The following SRSF1 variants were observed in gnomAD, a reference collection of about 807,000 sequenced individuals.
The protein encoded by SRSF1 is serine and arginine rich splicing factor 1.
A neutral mutation model predicts 25.9 loss-of-function variants in SRSF1; 1 was observed. The observed-to-expected ratio is 0.04, with a 90% CI of 0.01 to 0.18. The LOEUF is 0.18. Ranked by LOEUF, SRSF1 falls within the 10% of genes least tolerant of loss-of-function variation. SRSF1 has a pLI of 1.00. For synonymous variants in SRSF1, 132 were observed against 126.2 expected (o/e 1.05, Z -0.31); for missense variants, 65 against 350.5 (o/e 0.19, Z 6.50).
In SRSF1 at chr17:58,001,268, A is replaced by G. The variant is rs750722287; in HGVS notation, c.*4138T>C. On this transcript the variant is annotated 3_prime_UTR_variant, in exon 4 of 4. Transcript: ENST00000258962. ...CAATGTTTCAAAGACAACAAACACCAAGAAAAGTTGAGATTCTACAATAAA... is the reference window on the plus strand; with the variant it reads ...CAATGTTTCAAAGACAACAAACACCGAGAAAAGTTGAGATTCTACAATAAA... 2.0e-5 allele frequency among the ~76,000 whole-genome samples: 3 copies of G among 152,200 alleles called. No homozygotes were observed. The highest frequency in any genetic ancestry group is 4.4e-5 in the Non-Finnish European group (3 of 68,022).
downstream of SRSF1, among the ~76,000 whole-genome samples, chr17:58,000,197 G>A (rs1005906397): frequency 6.6e-6 from 1 of 152,072 alleles, no homozygotes; most frequent in African/African-American, 2.4e-5. Context: ...AAGCTCACAA[G>A]AACCCTCAGG....
At chr17:57,995,658 G>T in the SRSF1 span, among the ~76,000 whole-genome samples, 1 of 152,220 alleles carries the variant, frequency 6.6e-6, no homozygotes, top group Non-Finnish European at 1.5e-5. Flanking sequence ...TCTCACTTGG[G>T]TCAGACTTTT....
chr17:58,006,795 C>G, intron 1 of SRSF1, 149 bp downstream of exon 1: 2 of 1,036,782 alleles, frequency 1.9e-6, no homozygotes, highest in Non-Finnish European at 2.8e-6. Flanking sequence ...ATCAACTCAG[C>G]TCCTTACTCG....
In SRSF1 at chr17:58,005,701, T is replaced by C. The variant is rs567721942; in HGVS notation, c.552+100A>G. ...GTAACTAAAACCAGAAATCTGGCAA[T>C]TTACTTGGACAACCTTGCCTGAATC... On this transcript the variant is annotated intron_variant, in intron 3 of 3. Transcript: ENST00000258962. The surrounding 1 kb of genome is among the most constrained non-coding windows in gnomAD (Gnocchi z 5.2). 6.2e-7 allele frequency: 1 copy of C among 1,607,984 alleles called. No individual in the cohort carries two copies. Among genetic ancestry groups the C allele is most frequent in the Admixed American group, 1.7e-5 (1 of 59,366 alleles).
the SRSF1 span, chr17:57,993,611 G>A: frequency 6.6e-6 from 1 of 152,424 alleles, no homozygotes; most frequent in East Asian, 1.9e-4. Flanking sequence ...AGTAGTGGCA[G>A]AAAGCTCTCT....
chr17:58,007,220 C>A lies in SRSF1; in HGVS notation c.-83G>T. ...GCAGAGCGAGCCCGCAGCGGCACCA[C>A]GTCTCCCGCGGCCCCTCCAAAATGG... On this transcript the variant is annotated 5_prime_UTR_variant, in exon 1 of 4. Coordinates refer to ENST00000258962, the MANE Select transcript of SRSF1 (RefSeq NM_006924.5). 1 of 1,520,522 alleles carries A rather than the reference C, an allele frequency of 6.6e-7. No individual in the cohort carries two copies. The highest frequency in any genetic ancestry group is 9.0e-7 in the Non-Finnish European group (1 of 1,116,140). The allele number at this position is 1,520,522 out of a possible 1,614,324, so 94.2% of individuals were successfully genotyped here. A position where few individuals can be genotyped will look rare whatever the true frequency, so the allele number is the denominator to read the frequency against.
Position 58,005,548 on chromosome 17 carries a change from T to C in SRSF1, c.605A>G (p.Tyr202Cys). The C allele has an allele frequency of 6.2e-7, 1 of 1,614,206 alleles. No individual in the cohort carries two copies. The highest frequency in any genetic ancestry group is 8.5e-7 in the Non-Finnish European group (1 of 1,180,042). The change falls in exon 4 of 4, where the codon TAT becomes TGT. Residue 202 changes from tyrosine (Y) to cysteine (C), a missense_variant. By Grantham distance (194) the Tyr-to-Cys change is radical. This residue lies in a region of SRSF1 where 63 missense variants were observed against 284.8 expected (regional missense o/e 0.22). Coordinates refer to ENST00000258962, the MANE Select transcript of SRSF1 (RefSeq NM_006924.5). This position sits in a 1 kb window ranked among gnomAD's most constrained non-coding sequence, Gnocchi z 5.2. ...ACGGCTTCGAGATCGAGATCTTCCA[T>C]AACTTGGACTTCTGGGCCCATCAAC... ...VKVDGPRSPS[Y>C]GRSRSRSRSR...
chr17:58,005,848 T>C lies in SRSF1; in HGVS notation c.505A>G (p.Thr169Ala), dbSNP rs1198381764. The change falls in exon 3 of 4, where the codon ACC becomes GCC. Residue 169 changes from threonine to alanine, a missense_variant. Physicochemically the swap from Thr to Ala is moderately conservative, Grantham distance 58. This residue lies in a region of SRSF1 where 63 missense variants were observed against 284.8 expected (regional missense o/e 0.22). Transcript: ENST00000258962. This position sits in a 1 kb window ranked among gnomAD's most constrained non-coding sequence, Gnocchi z 5.2. ...VVEFVRKEDM[T>A]YAVRKLDNTK... ...TTATCCAGTTTTCGAACTGCATAGG[T>C]CATATCTTCTTTCCGTACAAACTCC... The C allele has an allele frequency of 6.2e-7, 1 of 1,614,114 alleles. No individual in the cohort carries two copies. Among genetic ancestry groups the C allele is most frequent in the South Asian group, 1.1e-5 (1 of 91,078 alleles).
chr17:58,000,352 G>A (rs985586864), downstream of SRSF1, among the ~76,000 whole-genome samples: 1 of 152,142 alleles, frequency 6.6e-6, no homozygotes, highest in African/African-American at 2.4e-5. Context: ...TCATTCAATA[G>A]ACAATCACGA....
intron 2 of SRSF1, 64 bp downstream of exon 2, chr17:58,006,279 G>C: frequency 2.6e-6 from 4 of 1,524,048 alleles, no homozygotes; most frequent in East Asian, 4.5e-5. Flanking sequence ...AACCTGTCAC[G>C]CAAGAGAAAA....
In SRSF1 at chr17:58,003,088, T is replaced by C. The variant is rs16942573; in HGVS notation, c.*2318A>G. On this transcript the variant is annotated 3_prime_UTR_variant, in exon 4 of 4. Coordinates refer to ENST00000258962, the MANE Select transcript of SRSF1 (RefSeq NM_006924.5). ...TTACCTTTTTTTGAGATGAGTTTCA[T>C]TGAGAATATCAAAAGCTATCTCCAA... is the stretch of plus-strand genomic sequence containing the variant. Among the ~76,000 whole-genome samples, 7,205 of 152,360 alleles carry C rather than the reference T, an allele frequency of 0.047. 193 individuals are homozygous for C. The highest frequency in any genetic ancestry group is 0.061 in the Non-Finnish European group (4,124 of 68,024).
chr17:57,996,508 C>T (rs1330007669), downstream of SRSF1, among the ~76,000 whole-genome samples: 1 of 56,058 alleles, frequency 1.8e-5, no homozygotes, highest in Non-Finnish European at 4.4e-5. Flanking sequence ...AAAAAACAGC[C>T]TTTGCTCTCA....
the SRSF1 span, chr17:57,989,661 G>A: frequency 3.5e-5 from 14 of 398,496 alleles, 1 homozygote; most frequent in Non-Finnish European, 4.0e-5. Context: ...GAATGAAGGG[G>A]CTGGAAAACG....
Position 58,007,194 on chromosome 17 carries a change from G to A in SRSF1, c.-57C>T, listed in dbSNP as rs140558395. On this transcript the variant is annotated 5_prime_UTR_variant, in exon 1 of 4. Transcript: ENST00000258962. ...GGCCTTCCCACCAAGCCTAGCGCAC[G>A]GCAGAGCGAGCCCGCAGCGGCACCA... The A allele has an allele frequency of 5.7e-5, 90 of 1,592,378 alleles. No individual in the cohort carries two copies. The African/African-American group carries it at 6.7e-4, about 12-fold the overall frequency.
the SRSF1 span, chr17:57,990,417 G>A: frequency 6.6e-6 from 1 of 152,070 alleles, no homozygotes; most frequent in Non-Finnish European, 1.5e-5. Flanking sequence ...AACCTTTTAA[G>A]TTCATGTAAA....
rs1002895823 is a variant in SRSF1 at position 58,004,738 on chromosome 17, T to C, written c.*668A>G. 6 of 376,996 alleles carry C rather than the reference T, an allele frequency of 1.6e-5. No individual in the cohort carries two copies. In the South Asian group the frequency reaches 7.3e-4, roughly 46 times the overall value. 23.4% of individuals were successfully genotyped at this position (376,996 alleles called of 1,614,324 possible). A position where few individuals can be genotyped will look rare whatever the true frequency, so the allele number is the denominator to read the frequency against. ...GGGAGCAAAATAAGTTGCTACAAAA[T>C]GGGCAATATAATTTTGCCACAATTG... On this transcript the variant is annotated 3_prime_UTR_variant, in exon 4 of 4. Transcript: ENST00000258962.
downstream of SRSF1, among the ~76,000 whole-genome samples, chr17:57,997,902 T>A (rs2075371087): frequency 6.6e-6 from 1 of 152,158 alleles, no homozygotes; most frequent in African/African-American, 2.4e-5. Flanking sequence ...GAACCAACAT[T>A]TTACATTTCT....
downstream of SRSF1, among the ~76,000 whole-genome samples, chr17:57,999,590 TAC>T (rs2075377912): frequency 6.6e-6 from 1 of 152,230 alleles, no homozygotes; most frequent in Non-Finnish European, 1.5e-5. Context: ...TTAGAGCTGA[TAC>T]AGAGGATCAA....
the SRSF1 span, chr17:57,989,961 C>A: frequency 5.2e-6 from 2 of 387,206 alleles, no homozygotes; most frequent in Non-Finnish European, 9.1e-6. Context: ...TGGAATTCTT[C>A]TTATTTTCAT....
Sources: allele counts gnomAD v4.1 joint callset (sites outside exome capture counted in the v4.1 genomes callset), GRCh38; gene constraint gnomAD v4.1.1; regional missense constraint gnomAD v4.1.1; non-coding constraint Gnocchi (gnomAD v3.1); transcripts MANE v1.5; gene names NCBI Gene and HGNC (gene_info 2026-07-23, HGNC 2026-07-21).